GLCE: variants seen among roughly 807,000 people sequenced by gnomAD.
The protein encoded by GLCE is glucuronic acid epimerase, also known as D-glucuronyl C5-epimerase.
Under a neutral mutation model 47.9 loss-of-function variants are expected in GLCE, and 19 were observed. The observed-to-expected ratio is 0.40, with a 90% CI of 0.28 to 0.58. GLCE has a LOEUF of 0.58. Ranked by LOEUF, GLCE falls within the 20% of genes least tolerant of loss-of-function variation. The pLI is 0.48. For synonymous variants in GLCE, 245 were observed against 263.4 expected, an observed-to-expected ratio of 0.93 and a Z score of 0.68; for missense variants, 556 against 743.3, an observed-to-expected ratio of 0.75 and a Z score of 2.93.
chr15:69,160,722 G>A lies in GLCE; in HGVS notation c.-140G>A, dbSNP rs181965352. 5.0e-4 allele frequency: 76 copies of A among 152,930 alleles called. No individual in the cohort carries two copies. The highest frequency in any genetic ancestry group is 4.3e-3 in the Admixed American group (66 of 15,314). The allele number at this position is 152,930 out of a possible 1,614,324, so 9.5% of individuals were successfully genotyped here. ...TCTGCTGTCTCCTTCTCTTCCTCAG[G>A]GCTCCCGTGTCTGCTCGCCCTCCGA... On this transcript the variant is annotated 5_prime_UTR_variant, in exon 1 of 5. Coordinates refer to ENST00000261858, the MANE Select transcript of GLCE (RefSeq NM_015554.3). This position sits in a 1 kb window ranked among gnomAD's most constrained non-coding sequence, Gnocchi z 4.2.
chr15:69,197,102 C>T (rs879442674), intron 1 of GLCE: 17 of 335,294 alleles, frequency 5.1e-5, no homozygotes, highest in East Asian at 1.6e-4. Flanking sequence ...AAAGCTGCAA[C>T]GCCTGCAGCC....
At chr15:69,260,257 T>G (rs1187093590) in intron 3 of GLCE, among the ~76,000 whole-genome samples, 3 of 140,572 alleles carry the variant, frequency 2.1e-5, no homozygotes, top group African/African-American at 5.3e-5. Flanking sequence ...AACTGGTTTT[T>G]TTTTTTTTTT....
At position 69,188,018 on chromosome 15, in the gene GLCE, C is replaced by T. The variant is rs531194036; in HGVS notation, c.-104-22298C>T. ...GGCAGAGGTTGTAGTGATCAGAGCT[C>T]GCCCCACTGCACTCCAGCCTGGGTG... On this transcript the variant is annotated intron_variant, in intron 1 of 4. Coordinates refer to ENST00000261858, the MANE Select transcript of GLCE (RefSeq NM_015554.3). 3.9e-5 allele frequency among the ~76,000 whole-genome samples: 6 copies of T among 152,002 alleles called. No individual in the cohort carries two copies. In the East Asian group the frequency reaches 5.8e-4, roughly 15 times the overall value.
At chr15:69,202,078 TC>T (rs1189659451) in intron 1 of GLCE, among the ~76,000 whole-genome samples, 3 of 151,962 alleles carry the variant, frequency 2.0e-5, no homozygotes, top group Non-Finnish European at 2.9e-5. Context: ...CTGTACCACA[TC>T]TGGCTATTTT....
intron 2 of GLCE, among the ~76,000 whole-genome samples, chr15:69,231,628 C>T (rs1488868457): frequency 5.3e-5 from 8 of 151,994 alleles, no homozygotes; most frequent in East Asian, 1.9e-4. Context: ...ATGGACTATT[C>T]GCTGAGCACT....
chr15:69,173,747 A>T (rs953791133), intron 1 of GLCE, among the ~76,000 whole-genome samples: 1 of 152,226 alleles, frequency 6.6e-6, no homozygotes, highest in African/African-American at 2.4e-5. Context: ...TTTCTTGGGC[A>T]CTTATTCACA....
rs140730795 is a variant in GLCE, at chr15:69,264,245, C to A, written c.829+2916C>A. 1.4e-3 allele frequency among the ~76,000 whole-genome samples: 196 copies of A among 141,206 alleles called. 2 individuals carry two copies. The highest frequency in any genetic ancestry group is 5.0e-3 in the African/African-American group (193 of 38,260). The allele number at this position is 141,206 out of a possible 152,430, so 92.6% of individuals were successfully genotyped here. A position where few individuals can be genotyped will look rare whatever the true frequency, so the allele number is the denominator to read the frequency against. ...TTGGAGGTCCACATATAAGTGAGAT[C>A]ATACAGTATCTTTCTCTGACTTGTC... On this transcript the variant is annotated intron_variant, in intron 4 of 4. Transcript: ENST00000261858.
chr15:69,222,101 C>T (rs986217487), intron 2 of GLCE, among the ~76,000 whole-genome samples: 30 of 152,200 alleles, frequency 2.0e-4, no homozygotes, highest in African/African-American at 1.4e-4. Context: ...TTCAGCTTTA[C>T]GCTCATGGGC....
intron 2 of GLCE, among the ~76,000 whole-genome samples, chr15:69,247,085 C>T (rs958037227): frequency 2.6e-5 from 4 of 152,198 alleles, no homozygotes; most frequent in African/African-American, 9.7e-5. Flanking sequence ...TCACCAGTTG[C>T]ATTAGCCCCT....
At chr15:69,174,171 A>T (rs1471279717) in intron 1 of GLCE, among the ~76,000 whole-genome samples, 2 of 152,202 alleles carry the variant, frequency 1.3e-5, no homozygotes, top group African/African-American at 2.4e-5. Flanking sequence ...GATGATTTTT[A>T]AAAAGTTTAT....
At chr15:69,214,094 C>T (rs1338377928) in intron 2 of GLCE, among the ~76,000 whole-genome samples, 1 of 151,920 alleles carries the variant, frequency 6.6e-6, no homozygotes, top group Non-Finnish European at 1.5e-5. Flanking sequence ...CTGCTTTAGT[C>T]CTGAAATCAC....
intron 1 of GLCE, among the ~76,000 whole-genome samples, chr15:69,176,069 A>G (rs2051657859): frequency 6.6e-6 from 1 of 152,152 alleles, no homozygotes; most frequent in Admixed American, 6.6e-5. Flanking sequence ...TACTAATGGT[A>G]TATCTCTCAA....
In GLCE at chr15:69,164,576, G is replaced by T. The variant is rs2078954428; in HGVS notation, c.-105+3819G>T. 2.0e-5 allele frequency among the ~76,000 whole-genome samples: 3 copies of T among 150,884 alleles called. No individual in the cohort carries two copies. The South Asian group carries it at 6.2e-4, about 31-fold the overall frequency. On this transcript the variant is annotated intron_variant, in intron 1 of 4. Coordinates refer to ENST00000261858, the MANE Select transcript of GLCE (RefSeq NM_015554.3). ...AATATATAAAATATGTGTATAAAAA[G>T]ATACATATACACACACTTAGAGTTT...
chr15:69,259,466 A>G (rs2140444822), intron 3 of GLCE, among the ~76,000 whole-genome samples: 1 of 152,222 alleles, frequency 6.6e-6, no homozygotes, highest in African/African-American at 2.4e-5. Flanking sequence ...TGATAGTTTT[A>G]TGGTTTCATT....
intron 2 of GLCE, among the ~76,000 whole-genome samples, chr15:69,245,122 C>T (rs2052727940): frequency 6.6e-6 from 1 of 152,086 alleles, no homozygotes; most frequent in Non-Finnish European, 1.5e-5. Flanking sequence ...CACTTGAGGT[C>T]AGGAGTTCAA....
Position 69,225,303 on chromosome 15 carries a change from C to T in GLCE, c.-14+14897C>T, listed in dbSNP as rs374558960. On this transcript the variant is annotated intron_variant, in intron 2 of 4. Coordinates refer to ENST00000261858, the MANE Select transcript of GLCE (RefSeq NM_015554.3). ...TGCAGTAAGCTAGGCATCCTTGCGT[C>T]GGCTGTCATAGAAGTCCCTGTCCTC... Among the ~76,000 whole-genome samples the T allele has an allele frequency of 5.9e-4, 89 of 152,082 alleles. No homozygotes were observed. In the Middle Eastern group the frequency reaches 0.02, roughly 35 times the overall value.
Position 69,200,162 on chromosome 15 carries a change from G to A in GLCE, c.-104-10154G>A, listed in dbSNP as rs138018449. 9.9e-4 allele frequency among the ~76,000 whole-genome samples: 150 copies of A among 152,174 alleles called. 3 individuals are homozygous for A. The East Asian group carries it at 0.027, about 28-fold the overall frequency. ...ACTAATCAGGCAAGGAGAAAGTTTC[G>A]TGCCATCTGTGTTGTGGCATGCTCT... On this transcript the variant is annotated intron_variant, in intron 1 of 4. Coordinates refer to ENST00000261858, the MANE Select transcript of GLCE (RefSeq NM_015554.3).
intron 4 of GLCE, among the ~76,000 whole-genome samples, chr15:69,266,239 G>C (rs2053084483): frequency 6.6e-6 from 1 of 152,148 alleles, no homozygotes; most frequent in Admixed American, 6.5e-5. Context: ...TAACCATACT[G>C]CTTGAGTCCA....
At chr15:69,237,642 A>G (rs187410339) in intron 2 of GLCE, among the ~76,000 whole-genome samples, 37 of 152,236 alleles carry the variant, frequency 2.4e-4, no homozygotes, top group African/African-American at 8.7e-4. Flanking sequence ...TCTTCCACAT[A>G]TAATTTCTTC....
Sources: allele counts gnomAD v4.1 joint callset (sites outside exome capture counted in the v4.1 genomes callset), GRCh38; gene constraint gnomAD v4.1.1; non-coding constraint Gnocchi (gnomAD v3.1); transcripts MANE v1.5; gene names NCBI Gene and HGNC (gene_info 2026-07-23, HGNC 2026-07-21).